Variants in NEDD1 observed in about 807,000 individuals in gnomAD.
NEDD1 encodes the protein protein NEDD1.
A neutral mutation model predicts 74.0 loss-of-function variants in NEDD1; 33 were observed. The observed-to-expected ratio is 0.45, with a 90% confidence interval of 0.34 to 0.60. NEDD1 has a LOEUF of 0.60. Ranked by LOEUF, NEDD1 falls within the 20% of genes least tolerant of loss-of-function variation. The pLI is 0.01. For synonymous variants in NEDD1, 250 were observed against 264.4 expected (o/e 0.95, Z 0.53); for missense variants, 746 against 776.5 (o/e 0.96, Z 0.47).
At chr12:96,940,874 G>A (rs249577) in intron 10 of NEDD1, among the ~76,000 whole-genome samples, 74,741 of 151,676 alleles carry the variant, frequency 0.49, 18,787 homozygotes, top group African/African-American at 0.56. Context: ...AGATGTTTTG[G>A]TATGCAAAAA....
At chr12:96,924,085 C>T (rs1437618040) in intron 6 of NEDD1, among the ~76,000 whole-genome samples, 2 of 152,042 alleles carry the variant, frequency 1.3e-5, no homozygotes, top group Non-Finnish European at 2.9e-5. Context: ...AAAGAGGGTC[C>T]TATAGATATC....
intron 6 of NEDD1, among the ~76,000 whole-genome samples, chr12:96,933,965 A>G (rs1309170796): frequency 1.3e-5 from 2 of 152,210 alleles, no homozygotes; most frequent in African/African-American, 4.8e-5. Context: ...GGAAGAGAGA[A>G]TATCTCCACT....
intron 2 of NEDD1, among the ~76,000 whole-genome samples, chr12:96,908,975 G>C (rs2136501211): frequency 6.6e-6 from 1 of 152,126 alleles, no homozygotes; most frequent in Non-Finnish European, 1.5e-5. Context: ...TCAGGAGTTC[G>C]AGACCAGCCT....
chr12:96,946,823 AC>A (rs1042122592), intron 14 of NEDD1, among the ~76,000 whole-genome samples: 42 of 152,188 alleles, frequency 2.8e-4, no homozygotes, highest in African/African-American at 9.2e-4. Context: ...AAAATAAAGT[AC>A]ACCTGAACAC....
chr12:96,947,365 A>G (rs1323512626), intron 14 of NEDD1, among the ~76,000 whole-genome samples: 2 of 152,130 alleles, frequency 1.3e-5, no homozygotes, highest in African/African-American at 4.8e-5. Context: ...TACACTGAAG[A>G]GATTTTATTT....
Position 96,944,686 on chromosome 12 carries a change from CT to C in NEDD1, c.1546del (p.Ser516LeufsTer24), listed in dbSNP as rs776569620. 1 of 1,599,404 alleles carries C rather than the reference CT, an allele frequency of 6.3e-7. No homozygotes were observed. The highest frequency in any genetic ancestry group is 8.5e-7 in the Non-Finnish European group (1 of 1,171,258). On this transcript the variant is annotated frameshift_variant, in exon 13 of 16. Coordinates refer to ENST00000266742, the MANE Select transcript of NEDD1 (RefSeq NM_152905.4). LOFTEE classifies it high-confidence loss of function. Reference protein sequence around the residue: ...SGAESGNLNTSPSSNQTRNSE... With the variant: ...SGAESGNLNTXPSSNQTRNSE... ...GTGCTGAAAGTGGAAATCTAAATAC[CT>C]CTCCATCATCTAACCAAACAAGAAA...
chr12:96,948,808 A>G (rs1481682448), intron 14 of NEDD1, among the ~76,000 whole-genome samples: 1 of 151,994 alleles, frequency 6.6e-6, no homozygotes, highest in East Asian at 1.9e-4. Context: ...TGGAGTATTC[A>G]CTGTCTTTTT....
At position 96,936,673 on chromosome 12, in the gene NEDD1, C is replaced by T. The variant is rs1316674473; in HGVS notation, c.782C>T (p.Ala261Val). 1.2e-6 allele frequency: 2 copies of T among 1,613,510 alleles called. No homozygotes were observed. Among genetic ancestry groups the T allele is most frequent in the Non-Finnish European group, 1.7e-6 (2 of 1,179,612 alleles). ...LTAVDFMPDG[A>V]TLAIGSSRGK... ...GCGGTAGATTTCATGCCTGATGGAG[C>T]CACTTTGGCTATTGGATCTTCCCGG... The change falls in exon 8 of 16, where the codon GCC becomes GTC. Residue 261 changes from alanine to valine, a missense_variant. By Grantham distance (64) the Ala-to-Val change is moderately conservative. Around this residue, in one of 3 missense-constraint regions of NEDD1, gnomAD observed 706 missense variants for 706.7 expected, o/e 1.00. Transcript: ENST00000266742.
At chr12:96,945,641 A>T in intron 13 of NEDD1, 52 bp from the exon 14 acceptor site, 1 of 1,107,340 alleles carries the variant, frequency 9.0e-7, no homozygotes, top group Non-Finnish European at 1.3e-6. Flanking sequence ...GAAATGTTTG[A>T]TGTCTCTCAG....
At chr12:96,923,788 T>TTGTGTGTGTGTGTG (rs10528785) in intron 6 of NEDD1, among the ~76,000 whole-genome samples, 4,468 of 142,178 alleles carry the variant, frequency 0.031, 117 homozygotes, top group Non-Finnish European at 0.042. Context: ...TAATACCTGT[T>TTGTGTGTGTGTGTG]TGTGTGTGTG....
At chr12:96,914,538 G>GT (rs775583670) in intron 4 of NEDD1, among the ~76,000 whole-genome samples, 1 of 152,032 alleles carries the variant, frequency 6.6e-6, no homozygotes, top group African/African-American at 2.4e-5. Flanking sequence ...GGAAACATTG[G>GT]TTTTTTAGCT....
At position 96,951,507 on chromosome 12, in the gene NEDD1, G is replaced by A. The variant is rs766103627; in HGVS notation, c.1878+9G>A. The A allele has an allele frequency of 7.2e-7, 1 of 1,394,604 alleles. No homozygotes were observed. The highest frequency in any genetic ancestry group is 1.0e-6 in the Non-Finnish European group (1 of 994,174). 86.4% of individuals were successfully genotyped at this position (1,394,604 alleles called of 1,614,324 possible). Reference sequence around the variant, plus strand: ...AGTTTCATATGCAACTGGTATGTATGGCAAATTTTATTTTAATATTTTAAA... The same window carrying A: ...AGTTTCATATGCAACTGGTATGTATAGCAAATTTTATTTTAATATTTTAAA... On this transcript the variant is annotated intron_variant, in intron 15 of 15. Coordinates refer to ENST00000266742, the MANE Select transcript of NEDD1 (RefSeq NM_152905.4).
intron 6 of NEDD1, among the ~76,000 whole-genome samples, chr12:96,933,303 T>C (rs1400066198): frequency 2.6e-5 from 4 of 152,164 alleles, no homozygotes; most frequent in Non-Finnish European, 4.4e-5. Context: ...TTAGTCTAAA[T>C]TTAGATCATG....
rs555517111 is a variant in NEDD1 at position 96,907,688 on chromosome 12, A to G, written c.-177A>G. On this transcript the variant is annotated 5_prime_UTR_variant, in exon 2 of 16. Coordinates refer to ENST00000266742, the MANE Select transcript of NEDD1 (RefSeq NM_152905.4). ...TATTTTTGGTGATTGAAAGTTGGAG[A>G]ACTTTCATTTCAGCTGAGTGGTGTA... The G allele has an allele frequency of 8.4e-6, 13 of 1,551,232 alleles. No homozygotes were observed. The South Asian group carries it at 1.3e-4, about 16-fold the overall frequency.
intron 3 of NEDD1, among the ~76,000 whole-genome samples, chr12:96,910,738 T>A (rs1873835196): frequency 6.6e-6 from 1 of 152,214 alleles, no homozygotes; most frequent in African/African-American, 2.4e-5. Flanking sequence ...AGAGAACCAC[T>A]GCTGTGACCA....
In NEDD1 at chr12:96,917,756, AT is replaced by A. The variant is rs1467526188; in HGVS notation, c.348+20del. 2.2e-5 allele frequency: 34 copies of A among 1,542,732 alleles called. No individual in the cohort carries two copies. Among genetic ancestry groups the A allele is most frequent in the South Asian group, 5.2e-5 (4 of 76,542 alleles). Reference sequence around the variant, plus strand: ...TCTTAAGGTAAGCAATTTAAAAAAAATCTTCATGAAAAAATGGATATCTTAA... The same window carrying A: ...TCTTAAGGTAAGCAATTTAAAAAAAACTTCATGAAAAAATGGATATCTTAA... On this transcript the variant is annotated intron_variant, in intron 5 of 15. Coordinates refer to ENST00000266742, the MANE Select transcript of NEDD1 (RefSeq NM_152905.4).
intron 6 of NEDD1, among the ~76,000 whole-genome samples, chr12:96,927,824 T>C (rs1036369353): frequency 6.6e-6 from 1 of 152,194 alleles, no homozygotes; most frequent in African/African-American, 2.4e-5. Context: ...TGACTGGTTA[T>C]ATTTATACCA....
At chr12:96,931,967 T>C (rs539516813) in intron 6 of NEDD1, among the ~76,000 whole-genome samples, 1 of 152,274 alleles carries the variant, frequency 6.6e-6, no homozygotes, top group East Asian at 1.9e-4. Context: ...ACCTATGGTC[T>C]AGCCAACTTA....
chr12:96,935,251 T>G (rs1876974028), intron 7 of NEDD1, 46 bp downstream of exon 7: 2 of 1,124,810 alleles, frequency 1.8e-6, no homozygotes, highest in African/African-American at 1.5e-5. Flanking sequence ...AAATAGCTAT[T>G]ATTCCATTAA....
Sources: allele counts gnomAD v4.1 joint callset (sites outside exome capture counted in the v4.1 genomes callset), GRCh38; gene constraint gnomAD v4.1.1; regional missense constraint gnomAD v4.1.1; transcripts MANE v1.5; gene names NCBI Gene and HGNC (gene_info 2026-07-23, HGNC 2026-07-21).